Variants in PRICKLE3 observed in about 807,000 individuals in gnomAD.
PRICKLE3 encodes LIM domain only protein 6.
In PRICKLE3, 17 loss-of-function variants were observed where a neutral mutation model predicts 33.8. The ratio of observed to expected loss-of-function variants is 0.50; its 90% CI spans 0.34 to 0.75. The LOEUF (loss-of-function observed/expected upper bound fraction) is 0.75, where lower values mean the gene tolerates loss of function less well. PRICKLE3 is among the 30% of genes least tolerant of loss of function. The pLI, the probability that PRICKLE3 is intolerant of heterozygous loss-of-function variation, is 0.01. For missense variants in PRICKLE3, 573 were observed against 576.7 expected, an observed-to-expected ratio of 0.99 and a Z score of 0.07; for synonymous variants, 211 against 219.6, an observed-to-expected ratio of 0.96 and a Z score of 0.34.
chrX:49,178,213 G>A (rs1439580648), intron 6 of PRICKLE3, 34 bp from the exon 7 acceptor site: 1 of 1,195,979 alleles, frequency 8.4e-7, no homozygotes, highest in African/African-American at 1.7e-5. Context: ...GCTGTCAGAT[G>A]AGCCTGCTCC....
chrX:49,177,174 C>T lies in PRICKLE3; in HGVS notation c.984G>A (p.Glu328=). Residue 328 remains glutamate, a synonymous_variant, in exon 8 of 9, where the codon GAG becomes GAA. Coordinates refer to ENST00000599218, the MANE Select transcript of PRICKLE3 (RefSeq NM_006150.5). ...IGLDQGQMAY[E]GQHWHASDRC... is the part of the protein sequence containing the mutation. ...GGTCTGAGGCATGCCAGTGCTGGCC[C>T]TCGTAAGCCATCTGGCCTTGGTCCA... 1 of 1,185,458 alleles carries T rather than the reference C, an allele frequency of 8.4e-7. No homozygotes were observed. The highest frequency in any genetic ancestry group is 1.1e-6 in the Non-Finnish European group (1 of 885,763).
chrX:49,179,244 G>A lies in PRICKLE3; in HGVS notation c.564+7C>T. The A allele has an allele frequency of 2.5e-6, 3 of 1,209,897 alleles. No homozygotes were observed. The highest frequency in any genetic ancestry group is 3.4e-6 in the Non-Finnish European group (3 of 894,385). On this transcript the variant is annotated splice_region_variant and intron_variant, in intron 5 of 8. Coordinates refer to ENST00000599218, the MANE Select transcript of PRICKLE3 (RefSeq NM_006150.5). The stretch of plus-strand genomic sequence containing the variant: ...CTGCTCACTCGCTGAGGCCCTCCAC[G>A]GCTCACCTCCTCACAGATGGCCCCA...
chrX:49,176,205 G>A lies in PRICKLE3; in HGVS notation c.1316C>T (p.Pro439Leu), dbSNP rs782263409. ...LRGAPHRHSM[P>L]ELGLRSVPEP... ...GGGGACACTGCGGAGCCCCAGTTCCGGCATGGAGTGGCGGTGGGGAGCCCC... is the reference window on the plus strand; with the variant it reads ...GGGGACACTGCGGAGCCCCAGTTCCAGCATGGAGTGGCGGTGGGGAGCCCC... The change falls in exon 9 of 9, where the codon CCG (proline) becomes CTG (leucine). Residue 439 changes from proline to leucine, a missense_variant. Transcript: ENST00000599218. The A allele has an allele frequency of 1.6e-5, 19 of 1,164,012 alleles. No individual in the cohort carries two copies. The highest frequency in any genetic ancestry group is 1.9e-5 in the Non-Finnish European group (17 of 872,182).
At position 49,175,042 on chromosome X, in the gene PRICKLE3, G is replaced by C; in HGVS notation, c.*631C>G. The C allele has an allele frequency of 2.7e-6, 1 of 371,719 alleles. No homozygotes were observed. Among genetic ancestry groups the C allele is most frequent in the East Asian group, 4.5e-5 (1 of 22,218 alleles). The allele number at this position is 371,719 out of a possible 1,213,427, so 30.6% of individuals were successfully genotyped here. A position where few individuals can be genotyped will look rare whatever the true frequency, so the allele number is the denominator to read the frequency against. On this transcript the variant is annotated 3_prime_UTR_variant, in exon 9 of 9. Transcript: ENST00000599218. ...TCCAAATAATCTCCTCGGTGTGGGT[G>C]GTGGTTCTATAGAGGGATAAATGAA...
chrX:49,177,092 G>T lies in PRICKLE3; in HGVS notation c.1066C>A (p.Arg356Ser), dbSNP rs782820561. ...RALLGRPFLP[R>S]RGLIFCSRAC... Reference sequence around the variant, plus strand: ...CGAGAGCAGAAGATTAGGCCTCGGCGTGGCAGGAATGGGCGGCCCAGCAGG... The same window carrying T: ...CGAGAGCAGAAGATTAGGCCTCGGCTTGGCAGGAATGGGCGGCCCAGCAGG... Residue 356 changes from arginine (R) to serine (S), a missense_variant, in exon 8 of 9, where the codon CGC becomes AGC. Arg to Ser is a moderately radical substitution (Grantham distance 110). Coordinates refer to ENST00000599218, the MANE Select transcript of PRICKLE3 (RefSeq NM_006150.5). 2 of 1,203,936 alleles carry T rather than the reference G, an allele frequency of 1.7e-6. No homozygotes were observed. Among genetic ancestry groups the T allele is most frequent in the Non-Finnish European group, 2.2e-6 (2 of 891,738 alleles).
At chrX:49,179,211 C>CAG in intron 5 of PRICKLE3, 40 bp downstream of exon 5, 3 of 1,197,949 alleles carry the variant, frequency 2.5e-6, no homozygotes, top group Non-Finnish European at 3.4e-6. Flanking sequence ...GGGCTTGGAG[C>CAG]AGAGGCACTG....
chrX:49,179,922 C>A, intron 3 of PRICKLE3, 116 bp from the exon 4 acceptor site: 1 of 428,110 alleles, frequency 2.3e-6, no homozygotes, highest in South Asian at 3.8e-5. Context: ...GACCTTCTGA[C>A]TCCCTCATCT....
chrX:49,178,341 A>G lies in PRICKLE3; in HGVS notation c.699T>C (p.His233=), dbSNP rs138302953. 5.8e-6 allele frequency: 7 copies of G among 1,207,372 alleles called. No homozygotes were observed. In the African/African-American group the frequency reaches 7.0e-5, roughly 12 times the overall value. Residue 233 remains histidine, a synonymous_variant, in exon 6 of 9, where the codon CAT becomes CAC. Transcript: ENST00000599218. ...ELLVDLIYFY[H]VGKVYCGRHH... ...GACGCCCGCAGTAGACCTTGCCAAC[A>G]TGGTAGAAGTAGATGAGGTCAACCA...
rs782679392 is a variant in PRICKLE3 at position 49,181,176 on chromosome X, T to C, written c.313-1370A>G. ...TGAGCCCAGGAGTCCAAGACCACCCTGGGCAACATGGCAAAACCCCATCTC... is the reference window on the plus strand; with the variant it reads ...TGAGCCCAGGAGTCCAAGACCACCCCGGGCAACATGGCAAAACCCCATCTC... On this transcript the variant is annotated intron_variant, in intron 3 of 8. Coordinates refer to ENST00000599218, the MANE Select transcript of PRICKLE3 (RefSeq NM_006150.5). Among the ~76,000 whole-genome samples, 7 of 109,001 alleles carry C rather than the reference T, an allele frequency of 6.4e-5. No homozygotes were observed. In the East Asian group the frequency reaches 1.7e-3, roughly 27 times the overall value. 94.7% of individuals were successfully genotyped at this position (109,001 alleles called of 115,157 possible).
intron 3 of PRICKLE3, among the ~76,000 whole-genome samples, chrX:49,181,595 C>CGTATATA (rs2065455448): frequency 5.1e-5 from 1 of 19,731 alleles, no homozygotes; most frequent in African/African-American, 2.3e-4. Flanking sequence ...ACGCGTGTAT[C>CGTATATA]TATATACGTA....
chrX:49,183,668 T>A, intron 3 of PRICKLE3, 66 bp downstream of exon 3: 1 of 1,199,736 alleles, frequency 8.3e-7, no homozygotes, highest in Non-Finnish European at 1.1e-6. Flanking sequence ...TGAGTGTGTG[T>A]GTGTGTGTGT....
intron 1 of PRICKLE3, among the ~76,000 whole-genome samples, chrX:49,185,061 C>T (rs2065476747): frequency 9.0e-6 from 1 of 111,311 alleles, no homozygotes; most frequent in South Asian, 3.8e-4. Context: ...TGTACTCTCC[C>T]CACTAGAGCA....
intron 7 of PRICKLE3, 57 bp from the exon 8 acceptor site, chrX:49,177,259 C>A: frequency 9.6e-7 from 1 of 1,043,412 alleles, no homozygotes; most frequent in East Asian, 3.4e-5. Flanking sequence ...GTAACCCCAC[C>A]CCTCGTGAAC....
intron 1 of PRICKLE3, 100 bp from the exon 2 acceptor site, chrX:49,184,810 C>G (rs1557101692): frequency 2.6e-6 from 3 of 1,165,125 alleles, no homozygotes; most frequent in South Asian, 1.9e-5. Flanking sequence ...CGACCGCACG[C>G]TGGGGCCTGT....
rs1242017981 is a variant in PRICKLE3 at position 49,179,234 on chromosome X, G to A, written c.564+17C>T. 1 of 1,206,290 alleles carries A rather than the reference G, an allele frequency of 8.3e-7. No individual in the cohort carries two copies. Among genetic ancestry groups the A allele is most frequent in the Non-Finnish European group, 1.1e-6 (1 of 892,980 alleles). On this transcript the variant is annotated intron_variant, in intron 5 of 8. Transcript: ENST00000599218. ...AGCAGAGGCACTGCTCACTCGCTGAGGCCCTCCACGGCTCACCTCCTCACA... is the reference window on the plus strand; with the variant it reads ...AGCAGAGGCACTGCTCACTCGCTGAAGCCCTCCACGGCTCACCTCCTCACA...
At chrX:49,185,638 C>T (rs2065479142) in intron 1 of PRICKLE3, among the ~76,000 whole-genome samples, 1 of 111,116 alleles carries the variant, frequency 9.0e-6, no homozygotes, top group African/African-American at 3.3e-5. Context: ...CGGTGGCTCA[C>T]GCCTATAATC....
chrX:49,175,171 G>A lies in PRICKLE3; in HGVS notation c.*502C>T, dbSNP rs1251038424. On this transcript the variant is annotated 3_prime_UTR_variant, in exon 9 of 9. Transcript: ENST00000599218. ...GGGGGAAATGGAGTGGAAACAGCTG[G>A]GGCAAGGAGGCAAAGAAGCCAGGCC... 2.8e-5 allele frequency: 5 copies of A among 179,811 alleles called. No homozygotes were observed. Among genetic ancestry groups the A allele is most frequent in the South Asian group, 2.5e-4 (2 of 7,887 alleles). The allele number at this position is 179,811 out of a possible 1,213,427, so 14.8% of individuals were successfully genotyped here.
intron 3 of PRICKLE3, among the ~76,000 whole-genome samples, chrX:49,182,410 C>A (rs1327900629): frequency 8.9e-6 from 1 of 112,112 alleles, no homozygotes; most frequent in African/African-American, 3.2e-5. Context: ...ACAGGCAAAG[C>A]CAAAGTCCTC....
Position 49,176,163 on chromosome X carries a change from G to A in PRICKLE3, c.1358C>T (p.Ser453Phe), listed in dbSNP as rs782646310. The part of the protein sequence containing the change: ...LRSVPEPPPE[S>F]PGQPNLRPDD... ...TGGGCGCAGGTTAGGCTGGCCGGGG[G>A]ACTCTGGGGGCGGCTCGGGGACACT... Residue 453 changes from serine (S) to phenylalanine (F), a missense_variant, in exon 9 of 9, where the codon TCC (serine) becomes TTC (phenylalanine). Transcript: ENST00000599218. 16 of 1,191,267 alleles carry A rather than the reference G, an allele frequency of 1.3e-5. No homozygotes were observed. In the Admixed American group the frequency reaches 3.6e-4, roughly 27 times the overall value.
Sources: allele counts gnomAD v4.1 joint callset (sites outside exome capture counted in the v4.1 genomes callset), GRCh38; gene constraint gnomAD v4.1.1; transcripts MANE v1.5; gene names NCBI Gene and HGNC (gene_info 2026-07-23, HGNC 2026-07-21).